CA10: variants seen among roughly 807,000 people sequenced by gnomAD.
The protein encoded by CA10 is carbonic anhydrase-related protein 10.
A neutral mutation model predicts 44.2 loss-of-function variants in CA10; 14 were observed. The observed-to-expected ratio is 0.32, with a 90% confidence interval of 0.21 to 0.50. The LOEUF (loss-of-function observed/expected upper bound fraction) is 0.50. Ranked by LOEUF, CA10 falls within the 20% of genes least tolerant of loss-of-function variation. CA10 has a pLI of 0.99. For missense variants in CA10, 350 were observed against 409.7 expected (o/e 0.85, Z 1.26); for synonymous variants, 159 against 141.6 (o/e 1.12, Z -0.87).
rs1453911003 is a variant in CA10 at position 51,631,426 on chromosome 17, G to T, written c.*158C>A. 2 of 728,522 alleles carry T rather than the reference G, an allele frequency of 2.7e-6. No individual in the cohort carries two copies. The highest frequency in any genetic ancestry group is 4.9e-6 in the Non-Finnish European group (2 of 405,290). The allele number at this position is 728,522 out of a possible 1,614,324, so 45.1% of individuals were successfully genotyped here. ...TGTGAGAGATGTATTCCTCTGCCAT[G>T]GTTTTGCAGACACTTTTCATGAAGA... On this transcript the variant is annotated 3_prime_UTR_variant, in exon 9 of 9. Coordinates refer to ENST00000451037, the MANE Select transcript of CA10 (RefSeq NM_020178.5).
intron 3 of CA10, among the ~76,000 whole-genome samples, chr17:51,775,348 C>T (rs1905778561): frequency 6.6e-6 from 1 of 152,116 alleles, no homozygotes; most frequent in African/African-American, 2.4e-5. Context: ...CACTTTGCAG[C>T]ATATGTTAGC....
intron 4 of CA10, among the ~76,000 whole-genome samples, chr17:51,727,294 C>G (rs769756677): frequency 2.0e-4 from 30 of 152,116 alleles, no homozygotes; most frequent in Non-Finnish European, 3.7e-4. Flanking sequence ...AAAGGTCTTC[C>G]CCCCATCTCT....
intron 4 of CA10, among the ~76,000 whole-genome samples, chr17:51,685,573 A>G (rs954620456): frequency 3.3e-5 from 5 of 152,200 alleles, no homozygotes; most frequent in African/African-American, 1.2e-4. Flanking sequence ...ATGCAGAGGG[A>G]CCCAGATCAC....
intron 4 of CA10, among the ~76,000 whole-genome samples, chr17:51,694,401 G>A (rs1284609902): frequency 6.6e-6 from 1 of 151,768 alleles, no homozygotes; most frequent in Non-Finnish European, 1.5e-5. Flanking sequence ...TTCCTCTGAT[G>A]ATTAGTGATG....
rs57428535 is a variant in CA10 at position 51,636,775 on chromosome 17, TTGTGTGTGTGTG to T, written c.635-778_635-767del. 9.6e-5 allele frequency among the ~76,000 whole-genome samples: 14 copies of T among 146,510 alleles called. 1 individual carries two copies. The highest frequency in any genetic ancestry group is 8.8e-4 in the South Asian group (4 of 4,566). ...TGGTTAAGCTCAACAACTGATTATTTTGTGTGTGTGTGTGTGTGTGTGTGTGTGTGTGTGTGT... is the reference window on the plus strand; with the variant it reads ...TGGTTAAGCTCAACAACTGATTATTTTGTGTGTGTGTGTGTGTGTGTGTGT... On this transcript the variant is annotated intron_variant, in intron 6 of 8. Transcript: ENST00000451037.
chr17:51,804,972 C>A (rs905767249), intron 3 of CA10, among the ~76,000 whole-genome samples: 1 of 152,166 alleles, frequency 6.6e-6, no homozygotes, highest in Non-Finnish European at 1.5e-5. Context: ...TTTTCCTGAA[C>A]TTTCCATTCC....
intron 2 of CA10, among the ~76,000 whole-genome samples, chr17:52,040,205 C>T (rs1986731370): frequency 6.7e-6 from 1 of 149,028 alleles, no homozygotes; most frequent in Non-Finnish European, 1.5e-5. Context: ...AGAAAAACCA[C>T]CATCTCCCCT....
At chr17:51,799,815 C>T (rs1440329554) in intron 3 of CA10, among the ~76,000 whole-genome samples, 3 of 152,154 alleles carry the variant, frequency 2.0e-5, no homozygotes, top group East Asian at 1.9e-4. Flanking sequence ...CAGTGAGATG[C>T]CATTTCATTC....
rs796330490 is a variant in CA10, at chr17:52,037,135, A to C, written c.136+35184T>G. ...AATTTTGGAAATCAGTGGGATATCG[A>C]AATGGAAATGTCTGGAACTCAAAAG... On this transcript the variant is annotated intron_variant, in intron 2 of 8. Coordinates refer to ENST00000451037, the MANE Select transcript of CA10 (RefSeq NM_020178.5). Among the ~76,000 whole-genome samples the C allele has an allele frequency of 3.7e-4, 57 of 152,302 alleles. 2 individuals carry two copies. Among genetic ancestry groups the C allele is most frequent in the African/African-American group, 1.3e-3 (55 of 41,574 alleles).
At chr17:52,140,973 T>C (rs1010816128) in intron 1 of CA10, among the ~76,000 whole-genome samples, 1 of 152,186 alleles carries the variant, frequency 6.6e-6, no homozygotes, top group Non-Finnish European at 1.5e-5. Context: ...AAGTTTGATT[T>C]CTCAGGTTGT....
intron 6 of CA10, among the ~76,000 whole-genome samples, chr17:51,644,573 C>T (rs887443755): frequency 1.3e-5 from 2 of 152,114 alleles, no homozygotes; most frequent in Admixed American, 6.5e-5. Context: ...GCCTACTCCA[C>T]ACCTCTTCTT....
At chr17:52,153,684 C>A (rs1989748335) in intron 1 of CA10, among the ~76,000 whole-genome samples, 1 of 152,136 alleles carries the variant, frequency 6.6e-6, no homozygotes, top group African/African-American at 2.4e-5. Flanking sequence ...GATGTGCTTG[C>A]TGATGATGGT....
intron 3 of CA10, among the ~76,000 whole-genome samples, chr17:51,847,126 A>G (rs191480614): frequency 6.6e-6 from 1 of 152,324 alleles, no homozygotes; most frequent in East Asian, 1.9e-4. Context: ...GAGGCTGGTA[A>G]CTAAAAGAGA....
chr17:51,674,666 C>T (rs1914550312), intron 4 of CA10, among the ~76,000 whole-genome samples: 1 of 152,202 alleles, frequency 6.6e-6, no homozygotes, highest in East Asian at 1.9e-4. Context: ...TTTCTCACCG[C>T]AGTGGTGTGC....
At chr17:51,992,978 A>G (rs1049645010) in intron 2 of CA10, among the ~76,000 whole-genome samples, 1 of 152,180 alleles carries the variant, frequency 6.6e-6, no homozygotes, top group Non-Finnish European at 1.5e-5. Flanking sequence ...AAATACTGAT[A>G]GGCAAGGAAG....
chr17:52,021,131 G>T (rs1386330130), intron 2 of CA10, among the ~76,000 whole-genome samples: 1 of 151,986 alleles, frequency 6.6e-6, no homozygotes, highest in African/African-American at 2.4e-5. Flanking sequence ...TTGAATAAAA[G>T]TTATGGAAGG....
intron 1 of CA10, among the ~76,000 whole-genome samples, chr17:52,116,614 A>C (rs1358243915): frequency 6.6e-6 from 1 of 152,198 alleles, no homozygotes; most frequent in Admixed American, 6.5e-5. Flanking sequence ...TCTCTCACTC[A>C]TATAGCCTGG....
chr17:52,053,968 G>A (rs1219744578), intron 2 of CA10, among the ~76,000 whole-genome samples: 2 of 152,158 alleles, frequency 1.3e-5, no homozygotes, highest in African/African-American at 4.8e-5. Flanking sequence ...TGTCACCTCA[G>A]GACCCTGTGA....
intron 2 of CA10, among the ~76,000 whole-genome samples, chr17:51,938,627 C>T (rs1429930405): frequency 6.6e-6 from 1 of 152,088 alleles, no homozygotes; most frequent in South Asian, 2.1e-4. Flanking sequence ...TGTCAGATTA[C>T]TTATTTGTGC....
Sources: allele counts gnomAD v4.1 joint callset (sites outside exome capture counted in the v4.1 genomes callset), GRCh38; gene constraint gnomAD v4.1.1; transcripts MANE v1.5; gene names NCBI Gene and HGNC (gene_info 2026-07-23, HGNC 2026-07-21).